The following SAMMSON variants were observed in gnomAD, a reference collection of about 807,000 sequenced individuals.
SAMMSON encodes long intergenic non-protein coding RNA 1212.
chr3:70,181,200 C>T (rs11707732), intron 4 of SAMMSON, among the ~76,000 whole-genome samples: 84,537 of 152,076 alleles, frequency 0.56, 24,595 homozygotes, highest in Non-Finnish European at 0.62. Context: ...AAGTTTATTG[C>T]GTGAAACATG....
chr3:70,246,524 A>G (rs1701709512), intron 4 of SAMMSON, among the ~76,000 whole-genome samples: 1 of 152,106 alleles, frequency 6.6e-6, no homozygotes, highest in African/African-American at 2.4e-5. Flanking sequence ...AAACAGAAAC[A>G]CGAGATGCAC....
intron 6 of SAMMSON, chr3:70,283,862 T>C (rs1286834131): frequency 6.6e-6 from 1 of 152,108 alleles, no homozygotes; most frequent in East Asian, 1.9e-4. Flanking sequence ...GTACATAATG[T>C]ATTTTTAAGA....
chr3:70,400,006 G>A (rs898458960), intron 2 of SAMMSON, among the ~76,000 whole-genome samples: 2 of 149,662 alleles, frequency 1.3e-5, no homozygotes, highest in African/African-American at 5.1e-5. Context: ...TAAGAAGGGT[G>A]TGTGATTATA....
chr3:70,160,669 G>A (rs2067611078), intron 4 of SAMMSON, among the ~76,000 whole-genome samples: 1 of 151,950 alleles, frequency 6.6e-6, no homozygotes, highest in Non-Finnish European at 1.5e-5. Flanking sequence ...TTTATCATCT[G>A]GGTCTTTCCC....
chr3:70,196,953 C>T (rs1490833976), intron 4 of SAMMSON: 5 of 398,432 alleles, frequency 1.3e-5, no homozygotes, highest in Non-Finnish European at 2.2e-5. Flanking sequence ...CTGAAATCTC[C>T]ATGGCCAGTT....
intron 3 of SAMMSON, among the ~76,000 whole-genome samples, chr3:70,022,761 C>T (rs953157621): frequency 2.0e-5 from 3 of 152,186 alleles, no homozygotes; most frequent in African/African-American, 7.2e-5. Flanking sequence ...GCTAAAGGGC[C>T]TAAGCCCTTC....
intron 4 of SAMMSON, among the ~76,000 whole-genome samples, chr3:70,202,112 T>C (rs1270812549): frequency 6.6e-6 from 1 of 152,130 alleles, no homozygotes; most frequent in Non-Finnish European, 1.5e-5. Context: ...CTAATAGTGG[T>C]TAGTGACTAG....
intron 2 of SAMMSON, among the ~76,000 whole-genome samples, chr3:70,429,773 C>G (rs966325251): frequency 1.3e-4 from 20 of 151,720 alleles, no homozygotes; most frequent in African/African-American, 4.4e-4. Flanking sequence ...CTGTCTACTA[C>G]TGGTGTATAG....
At chr3:70,375,639 C>T (rs1201315088) in intron 9 of SAMMSON, among the ~76,000 whole-genome samples, 1 of 152,128 alleles carries the variant, frequency 6.6e-6, no homozygotes, top group African/African-American at 2.4e-5. Flanking sequence ...GGCATATCAA[C>T]AGGATTATTT....
At chr3:70,041,218 G>A (rs979193985) in intron 3 of SAMMSON, among the ~76,000 whole-genome samples, 1 of 152,098 alleles carries the variant, frequency 6.6e-6, no homozygotes, top group African/African-American at 2.4e-5. Context: ...AATTTCCAAA[G>A]ACATTTTGTT....
At chr3:70,134,390 T>G (rs1203581279) in intron 4 of SAMMSON, among the ~76,000 whole-genome samples, 1 of 151,708 alleles carries the variant, frequency 6.6e-6, no homozygotes, top group Non-Finnish European at 1.5e-5. Context: ...AAGTACTCAG[T>G]CTGACCTATG....
At chr3:70,252,243 T>C (rs1701776178) in intron 6 of SAMMSON, among the ~76,000 whole-genome samples, 1 of 152,182 alleles carries the variant, frequency 6.6e-6, no homozygotes, top group South Asian at 2.1e-4. Context: ...TCAGTGGAAT[T>C]CTTATCCAAT....
At chr3:70,283,729 A>T (rs1698354324) in intron 6 of SAMMSON, 1 of 151,870 alleles carries the variant, frequency 6.6e-6, no homozygotes. Context: ...TCTTGATTTC[A>T]TACAGAGTAA....
chr3:70,027,993 A>C (rs997774638), intron 3 of SAMMSON, among the ~76,000 whole-genome samples: 1 of 152,210 alleles, frequency 6.6e-6, no homozygotes, highest in Non-Finnish European at 1.5e-5. Flanking sequence ...GTATTAGGGC[A>C]AATGTGAATG....
chr3:70,188,602 A>C (rs757987735), intron 4 of SAMMSON, among the ~76,000 whole-genome samples: 1 of 152,198 alleles, frequency 6.6e-6, no homozygotes, highest in Non-Finnish European at 1.5e-5. Flanking sequence ...AGAAATAAAG[A>C]ATAGACATCT....
chr3:70,354,618 G>T (rs1702816163), intron 8 of SAMMSON, among the ~76,000 whole-genome samples: 2 of 152,154 alleles, frequency 1.3e-5, no homozygotes, highest in Non-Finnish European at 2.9e-5. Flanking sequence ...CTGACCCAGG[G>T]CTTCAGCTGC....
chr3:70,296,417 C>G (rs1006358836), intron 7 of SAMMSON, among the ~76,000 whole-genome samples: 2 of 152,064 alleles, frequency 1.3e-5, no homozygotes, highest in African/African-American at 4.8e-5. Context: ...TTTTAGATAA[C>G]CAAAATTCAA....
intron 3 of SAMMSON, among the ~76,000 whole-genome samples, chr3:70,036,839 T>C (rs1386831227): frequency 6.6e-6 from 1 of 152,100 alleles, no homozygotes; most frequent in East Asian, 1.9e-4. Context: ...TGAGGAATAT[T>C]CTTAAATGAT....
At chr3:70,311,147 A>T (rs969061211) in intron 7 of SAMMSON, among the ~76,000 whole-genome samples, 31 of 152,202 alleles carry the variant, frequency 2.0e-4, no homozygotes, top group African/African-American at 7.5e-4. Context: ...AAGAATGTCA[A>T]CTACTTAAGT....
Sources: allele counts gnomAD v4.1 joint callset (sites outside exome capture counted in the v4.1 genomes callset), GRCh38; gene constraint gnomAD v4.1.1; transcripts MANE v1.5; gene names NCBI Gene and HGNC (gene_info 2026-07-23, HGNC 2026-07-21).